Variants in RAG1 observed in about 807,000 individuals in gnomAD.
The protein encoded by RAG1 is recombination activating 1.
RAG1 carries 35 observed loss-of-function variants against 62.7 expected under a neutral mutation model. The observed-to-expected ratio is 0.56, with a 90% CI of 0.43 to 0.74. The LOEUF (loss-of-function observed/expected upper bound fraction) is 0.74. Among genes scored for constraint, RAG1 ranks in the 30% least tolerant of loss-of-function variants. The pLI, the probability that RAG1 is intolerant of heterozygous loss-of-function variation, is 0.00. For synonymous variants in RAG1, 461 were observed against 470.3 expected, an observed-to-expected ratio of 0.98 and a Z score of 0.26; for missense variants, 1,169 against 1,278.6, an observed-to-expected ratio of 0.91 and a Z score of 1.31.
At chr11:36,515,930 C>G (rs1859989053) in intron 1 of RAG1, among the ~76,000 whole-genome samples, 1 of 152,160 alleles carries the variant, frequency 6.6e-6, no homozygotes, top group Non-Finnish European at 1.5e-5. Flanking sequence ...CCCTCCTTCT[C>G]CGTTGTCTTC....
intron 2 of RAG1, among the ~76,000 whole-genome samples, chr11:36,522,100 A>G (rs2133695990): frequency 6.6e-6 from 1 of 152,288 alleles, no homozygotes; most frequent in South Asian, 2.1e-4. Flanking sequence ...GGAGAAATTT[A>G]AGCCAGCTGC....
chr11:36,525,887 C>A (rs1305970466), intron 2 of RAG1, among the ~76,000 whole-genome samples: 18 of 152,052 alleles, frequency 1.2e-4, no homozygotes, highest in Admixed American at 1.2e-3. Context: ...GTATGCTTTT[C>A]ATTTCCTTTT....
At chr11:36,540,755 T>C (rs181618122), downstream of RAG1, among the ~76,000 whole-genome samples, 6 of 152,346 alleles carry the variant, frequency 3.9e-5, no homozygotes, top group East Asian at 1.2e-3. Flanking sequence ...CTTTGTTCTT[T>C]GGACATACCA....
At chr11:36,512,089 A>G (rs1859933059) in intron 1 of RAG1, among the ~76,000 whole-genome samples, 1 of 152,236 alleles carries the variant, frequency 6.6e-6, no homozygotes, top group Non-Finnish European at 1.5e-5. Context: ...TATTCAATAT[A>G]GGAGAGAGTT....
chr11:36,517,141 C>A (rs528373312), intron 1 of RAG1, among the ~76,000 whole-genome samples: 1 of 152,072 alleles, frequency 6.6e-6, no homozygotes, highest in South Asian at 2.1e-4. Context: ...GTTCCTGATT[C>A]GAATTTGTGA....
chr11:36,572,424 A>G (rs966548183), intron 1 of RAG1, among the ~76,000 whole-genome samples: 2 of 152,134 alleles, frequency 1.3e-5, no homozygotes, highest in African/African-American at 4.8e-5. Flanking sequence ...GAGAAACATT[A>G]CTCCCACCTC....
At chr11:36,568,156 A>G (rs1322643651) in intron 1 of RAG1, 34 bp downstream of exon 1, 2 of 152,188 alleles carry the variant, frequency 1.3e-5, no homozygotes, top group Admixed American at 1.3e-4. Context: ...TTGAGCCAAA[A>G]TATTTATTAC....
At chr11:36,565,174 C>T (rs1352995089), upstream of RAG1, among the ~76,000 whole-genome samples, 1 of 152,128 alleles carries the variant, frequency 6.6e-6, no homozygotes, top group Non-Finnish European at 1.5e-5. Context: ...TCTCAATGTC[C>T]GTAAACAGCA....
upstream of RAG1, among the ~76,000 whole-genome samples, chr11:36,564,106 G>A (rs540663756): frequency 7.9e-5 from 12 of 152,136 alleles, no homozygotes; most frequent in Non-Finnish European, 1.5e-4. Context: ...CTTATACACC[G>A]GCCTTTACTC....
At chr11:36,517,275 A>G (rs1458400592) in intron 1 of RAG1, among the ~76,000 whole-genome samples, 1 of 152,382 alleles carries the variant, frequency 6.6e-6, no homozygotes, top group African/African-American at 2.4e-5. Context: ...CATCGCAAAC[A>G]TATTTTAGTT....
At chr11:36,536,704 A>G (rs1159636781), downstream of RAG1, among the ~76,000 whole-genome samples, 1 of 151,204 alleles carries the variant, frequency 6.6e-6, no homozygotes, top group Non-Finnish European at 1.5e-5. Flanking sequence ...TTTATATTTT[A>G]TAAAGTAAAT....
chr11:36,532,413 A>G (rs934961212), intron 2 of RAG1, among the ~76,000 whole-genome samples: 1 of 152,054 alleles, frequency 6.6e-6, no homozygotes, highest in Non-Finnish European at 1.5e-5. Flanking sequence ...TATATGATAT[A>G]CTCTTTCCAT....
chr11:36,536,424 G>A (rs1478493923), downstream of RAG1, among the ~76,000 whole-genome samples: 1 of 152,040 alleles, frequency 6.6e-6, no homozygotes, highest in Admixed American at 6.6e-5. Context: ...TGCTCTTAGG[G>A]AGGTATTTAT....
chr11:36,562,308 G>C (rs1321717631), intron 3 of RAG1, among the ~76,000 whole-genome samples: 1 of 152,136 alleles, frequency 6.6e-6, no homozygotes, highest in Non-Finnish European at 1.5e-5. Flanking sequence ...GGAGGATTGT[G>C]AGTTCTTGAG....
intron 2 of RAG1, among the ~76,000 whole-genome samples, chr11:36,534,294 T>C (rs1201094972): frequency 6.6e-6 from 1 of 152,192 alleles, no homozygotes; most frequent in African/African-American, 2.4e-5. Context: ...CTTGCTTTCA[T>C]GAAAAGTACG....
rs1003540768 is a variant in RAG1, at chr11:36,579,264, G to A, written c.*2828G>A. On this transcript the variant is annotated 3_prime_UTR_variant, in exon 2 of 2. Transcript: ENST00000299440. The stretch of plus-strand genomic sequence containing the variant: ...GGATATATAAGCGCCAGTGGTAGTT[G>A]GGAGGAATAAACCATTATTTGGATG... 1 of 167,038 alleles carries A rather than the reference G, an allele frequency of 6.0e-6. No individual in the cohort carries two copies. Among genetic ancestry groups the A allele is most frequent in the Non-Finnish European group, 1.5e-5 (1 of 68,106 alleles). 10.3% of individuals were successfully genotyped at this position (167,038 alleles called of 1,614,324 possible).
downstream of RAG1, among the ~76,000 whole-genome samples, chr11:36,539,226 C>T (rs895022239): frequency 6.6e-6 from 1 of 152,178 alleles, no homozygotes; most frequent in Non-Finnish European, 1.5e-5. Context: ...GATGCATGCA[C>T]AGAGGGCTAT....
chr11:36,517,430 G>C (rs1199083271), intron 1 of RAG1, among the ~76,000 whole-genome samples: 1 of 152,104 alleles, frequency 6.6e-6, no homozygotes, highest in Non-Finnish European at 1.5e-5. Context: ...AATTTTTTTA[G>C]AGCAGAGTCA....
At chr11:36,537,680 A>T (rs1299991350), downstream of RAG1, among the ~76,000 whole-genome samples, 1 of 152,192 alleles carries the variant, frequency 6.6e-6, no homozygotes, top group Non-Finnish European at 1.5e-5. Context: ...TATCTTTATG[A>T]GAGTATGGTG....
Sources: gnomAD v4.1 joint callset for allele counts (sites outside exome capture counted in the v4.1 genomes callset) on GRCh38, gnomAD v4.1.1 for gene constraint, MANE v1.5 for transcripts, NCBI Gene and HGNC (gene_info 2026-07-23, HGNC 2026-07-21) for gene names.